Variants in GALNTL6 observed in about 807,000 individuals in gnomAD.
GALNTL6 encodes polypeptide N-acetylgalactosaminyltransferase-like 6.
Under a neutral mutation model 73.7 loss-of-function variants are expected in GALNTL6, and 46 were observed. That is an observed-to-expected ratio of 0.62 (90% CI 0.49 to 0.80). The LOEUF is 0.80. Among genes scored for constraint, GALNTL6 ranks in the 30% least tolerant of loss-of-function variants. The probability of loss-of-function intolerance (pLI) is 0.00; values close to 1 mark genes in which losing one functional copy is unlikely to be tolerated. For missense variants in GALNTL6, 604 were observed against 755.0 expected, an observed-to-expected ratio of 0.80 and a Z score of 2.34; for synonymous variants, 259 against 263.7, an observed-to-expected ratio of 0.98 and a Z score of 0.17.
At chr4:172,219,199 GTATATA>G (rs34783084) in intron 2 of GALNTL6, among the ~76,000 whole-genome samples, 19 of 116,190 alleles carry the variant, frequency 1.6e-4, no homozygotes, top group East Asian at 1.1e-3. Context: ...TTAAGCAAGT[GTATATA>G]TATATATATA....
intron 5 of GALNTL6, among the ~76,000 whole-genome samples, chr4:172,790,615 A>G (rs1739937664): frequency 6.6e-6 from 1 of 152,136 alleles, no homozygotes; most frequent in Admixed American, 6.6e-5. Flanking sequence ...GACTAATAAA[A>G]GCATCAGTTC....
intron 5 of GALNTL6, among the ~76,000 whole-genome samples, chr4:172,793,083 C>G (rs1261979882): frequency 6.6e-6 from 1 of 152,232 alleles, no homozygotes; most frequent in Non-Finnish European, 1.5e-5. Context: ...AGGACTGCAC[C>G]CTGTATTTCC....
chr4:172,425,676 A>C (rs1274228697), intron 5 of GALNTL6, among the ~76,000 whole-genome samples: 1 of 152,066 alleles, frequency 6.6e-6, no homozygotes, highest in Non-Finnish European at 1.5e-5. Context: ...GAGAAATGAA[A>C]ATTGGTATGG....
chr4:173,019,891 T>C (rs1412293711), intron 11 of GALNTL6, among the ~76,000 whole-genome samples: 1 of 152,256 alleles, frequency 6.6e-6, no homozygotes, highest in Non-Finnish European at 1.5e-5. Flanking sequence ...GTTCTCTACA[T>C]TTCCTTTCCT....
intron 5 of GALNTL6, among the ~76,000 whole-genome samples, chr4:172,522,675 C>A (rs906043606): frequency 1.9e-4 from 12 of 63,874 alleles, no homozygotes; most frequent in Non-Finnish European, 2.5e-4. Context: ...TCCCCCCCCC[C>A]CCCAAAAAAA....
chr4:172,956,051 C>A (rs559521096), intron 10 of GALNTL6, among the ~76,000 whole-genome samples: 1 of 151,970 alleles, frequency 6.6e-6, no homozygotes, highest in Non-Finnish European at 1.5e-5. Flanking sequence ...AGCTTTGGCT[C>A]AGAGGCCTGA....
chr4:172,356,519 A>G (rs1269819705), intron 5 of GALNTL6, among the ~76,000 whole-genome samples: 1 of 152,204 alleles, frequency 6.6e-6, no homozygotes, highest in Non-Finnish European at 1.5e-5. Context: ...CACTTACTCA[A>G]TAAAATAAAA....
chr4:172,907,783 A>G (rs925911446), intron 8 of GALNTL6, among the ~76,000 whole-genome samples: 3 of 152,180 alleles, frequency 2.0e-5, no homozygotes, highest in Non-Finnish European at 2.9e-5. Flanking sequence ...ACTAGCATGA[A>G]TTTCTTTTTC....
chr4:172,352,695 C>T lies in GALNTL6; in HGVS notation c.553+4006C>T, dbSNP rs182906795. Among the ~76,000 whole-genome samples the T allele has an allele frequency of 7.9e-5, 12 of 152,150 alleles. No homozygotes were observed. The East Asian group carries it at 2.3e-3, about 30-fold the overall frequency. ...TGCAAGTCTAAATTGAGGATAGTCGCAGGAGAGTTGCTGACACACTTTCCT... is the reference window on the plus strand; with the variant it reads ...TGCAAGTCTAAATTGAGGATAGTCGTAGGAGAGTTGCTGACACACTTTCCT... On this transcript the variant is annotated intron_variant, in intron 5 of 12. Transcript: ENST00000506823.
At position 172,622,654 on chromosome 4, in the gene GALNTL6, G is replaced by A. The variant is rs533092222; in HGVS notation, c.554-186707G>A. 1.0e-3 allele frequency among the ~76,000 whole-genome samples: 159 copies of A among 152,120 alleles called. 2 individuals carry two copies. In the East Asian group the frequency reaches 0.027, roughly 26 times the overall value. On this transcript the variant is annotated intron_variant, in intron 5 of 12. Transcript: ENST00000506823. ...CTGAAACTAGGAAGAAAAGAAAAAA[G>A]GAATGCATGAGAGGCTGATAGGAAT...
At chr4:172,120,037 C>T (rs1394462078) in intron 2 of GALNTL6, among the ~76,000 whole-genome samples, 2 of 152,096 alleles carry the variant, frequency 1.3e-5, no homozygotes, top group African/African-American at 4.8e-5. Flanking sequence ...AAGTAGCATA[C>T]AGAGTAAGAA....
chr4:172,844,937 TG>T (rs1560988816), intron 7 of GALNTL6, among the ~76,000 whole-genome samples: 1 of 152,074 alleles, frequency 6.6e-6, no homozygotes, highest in Non-Finnish European at 1.5e-5. Flanking sequence ...AGATTCTGGC[TG>T]GGCGCGGTGG....
intron 5 of GALNTL6, among the ~76,000 whole-genome samples, chr4:172,785,328 A>G (rs1739592227): frequency 6.6e-6 from 1 of 152,182 alleles, no homozygotes; most frequent in African/African-American, 2.4e-5. Flanking sequence ...AATTTTTCAA[A>G]ATATTTCAGT....
intron 2 of GALNTL6, among the ~76,000 whole-genome samples, chr4:172,150,780 G>T (rs1211398967): frequency 6.6e-6 from 1 of 152,084 alleles, no homozygotes; most frequent in Non-Finnish European, 1.5e-5. Context: ...GAAGAAAATA[G>T]AGATATATTT....
chr4:172,688,926 C>T (rs531470973), intron 5 of GALNTL6, among the ~76,000 whole-genome samples: 10 of 152,314 alleles, frequency 6.6e-5, no homozygotes, highest in Non-Finnish European at 1.2e-4. Context: ...GTGCAAGTAT[C>T]AGTGTGCACA....
At chr4:172,208,596 G>A (rs41516045) in intron 2 of GALNTL6, among the ~76,000 whole-genome samples, 3,101 of 152,172 alleles carry the variant, frequency 0.02, 61 homozygotes, top group East Asian at 0.061. Context: ...GCTGGGAGGC[G>A]TTGTGTATTA....
intron 2 of GALNTL6, among the ~76,000 whole-genome samples, chr4:172,174,132 T>A (rs1022529527): frequency 1.3e-5 from 2 of 152,198 alleles, no homozygotes; most frequent in Admixed American, 1.3e-4. Flanking sequence ...GCTAAGAGAC[T>A]GCTAAGTTAT....
intron 2 of GALNTL6, among the ~76,000 whole-genome samples, chr4:171,874,222 T>C (rs1736214374): frequency 6.6e-6 from 1 of 152,194 alleles, no homozygotes; most frequent in Non-Finnish European, 1.5e-5. Context: ...TGTCTGTTTT[T>C]GACACAAAGT....
intron 2 of GALNTL6, among the ~76,000 whole-genome samples, chr4:172,074,904 T>A (rs1209934229): frequency 6.6e-6 from 1 of 152,184 alleles, no homozygotes; most frequent in African/African-American, 2.4e-5. Flanking sequence ...TGCTAAAGAT[T>A]CTAACTTTTA....
Sources: gnomAD v4.1 joint callset for allele counts (sites outside exome capture counted in the v4.1 genomes callset) on GRCh38, gnomAD v4.1.1 for gene constraint, MANE v1.5 for transcripts, NCBI Gene and HGNC (gene_info 2026-07-23, HGNC 2026-07-21) for gene names.